SCRN1: variants seen among roughly 807,000 people sequenced by gnomAD.
SCRN1 encodes secernin 1, also known as secernin-1.
SCRN1 carries 19 observed loss-of-function variants against 43.3 expected under a neutral mutation model. That is an observed-to-expected ratio of 0.44 (90% CI 0.31 to 0.64). SCRN1 has a LOEUF of 0.64. SCRN1 is among the 30% of genes least tolerant of loss of function. SCRN1 has a pLI of 0.09. For synonymous variants in SCRN1, 183 were observed against 188.9 expected, an observed-to-expected ratio of 0.97 and a Z score of 0.26; for missense variants, 447 against 524.1, an observed-to-expected ratio of 0.85 and a Z score of 1.44.
rs1015230096 is a variant in SCRN1, at chr7:29,923,911, G to C, written c.*46C>G. ...AGTGGTTTGTTTTGCTGGTAATTTA[G>C]TAAGGTGGGAAGTCTTAAATAAGAA... On this transcript the variant is annotated 3_prime_UTR_variant, in exon 8 of 8. Transcript: ENST00000242059. 2 of 1,542,254 alleles carry C rather than the reference G, an allele frequency of 1.3e-6. No individual in the cohort carries two copies. Among genetic ancestry groups the C allele is most frequent in the Non-Finnish European group, 1.7e-6 (2 of 1,143,006 alleles).
At chr7:29,927,042 AGGGCCTTTT>A (rs901632298) in intron 6 of SCRN1, among the ~76,000 whole-genome samples, 1 of 151,516 alleles carries the variant, frequency 6.6e-6, no homozygotes, top group Non-Finnish European at 1.5e-5. Flanking sequence ...TGGGAAAGGA[AGGGCCTTTT>A]GGTTTGGGTT....
intron 1 of SCRN1, among the ~76,000 whole-genome samples, chr7:29,978,264 AAGATCCAG>A (rs1365047964): frequency 6.6e-6 from 1 of 152,166 alleles, no homozygotes; most frequent in Admixed American, 6.5e-5. Flanking sequence ...CTAATATTTT[AAGATCCAG>A]AGATTTCCTA....
chr7:29,985,533 C>A (rs1380067386), intron 1 of SCRN1, among the ~76,000 whole-genome samples: 1 of 152,078 alleles, frequency 6.6e-6, no homozygotes, highest in African/African-American at 2.4e-5. Flanking sequence ...CAGCCCAGGG[C>A]CCTCTCACTG....
At chr7:29,955,966 G>A (rs1788123071) in intron 2 of SCRN1, among the ~76,000 whole-genome samples, 1 of 152,184 alleles carries the variant, frequency 6.6e-6, no homozygotes, top group South Asian at 2.1e-4. Flanking sequence ...ACAGTGAGGT[G>A]GACACAGAAG....
At chr7:29,925,989 C>A (rs35247132) in intron 7 of SCRN1, among the ~76,000 whole-genome samples, 32,209 of 151,954 alleles carry the variant, frequency 0.21, 4,284 homozygotes, top group South Asian at 0.33. Flanking sequence ...GTGCATTAAG[C>A]TCATTCACAA....
At chr7:29,974,080 G>A (rs1226404242) in intron 1 of SCRN1, among the ~76,000 whole-genome samples, 1 of 152,146 alleles carries the variant, frequency 6.6e-6, no homozygotes, top group Non-Finnish European at 1.5e-5. Flanking sequence ...TATTAACAGT[G>A]GGAGCCCAGC....
intron 6 of SCRN1, among the ~76,000 whole-genome samples, chr7:29,931,644 C>T (rs139249112): frequency 3.3e-4 from 50 of 152,296 alleles, no homozygotes; most frequent in African/African-American, 1.2e-3. Context: ...GGCTAGCCAA[C>T]AGTGTTGTCC....
At chr7:29,983,574 T>C (rs922903631) in intron 1 of SCRN1, among the ~76,000 whole-genome samples, 1 of 152,130 alleles carries the variant, frequency 6.6e-6, no homozygotes. Context: ...AATTAATCTG[T>C]GGAGTCAATA....
Position 29,989,683 on chromosome 7 carries a change from G to A in SCRN1, c.-43C>T. The A allele has an allele frequency of 1.0e-6, 1 of 985,706 alleles. No homozygotes were observed. 61.1% of individuals were successfully genotyped at this position (985,706 alleles called of 1,614,324 possible). A position where few individuals can be genotyped will look rare whatever the true frequency, so the allele number is the denominator to read the frequency against. ...CGGGCTCCGCTCTCCGCTCTGCGGTGCTGAGGCTGCGGCCGCCGAGGGTGC... is the reference window on the plus strand; with the variant it reads ...CGGGCTCCGCTCTCCGCTCTGCGGTACTGAGGCTGCGGCCGCCGAGGGTGC... On this transcript the variant is annotated 5_prime_UTR_variant, in exon 1 of 8. Coordinates refer to ENST00000242059, the MANE Select transcript of SCRN1 (RefSeq NM_014766.5).
At position 29,923,951 on chromosome 7, in the gene SCRN1, CT is replaced by C; in HGVS notation, c.*5del. Reference sequence around the variant, plus strand: ...TTAAATAAGAAGGGGAAAGGGAACGCTTACTTCACTTAAAGAACTTAATCTC... The same window carrying C: ...TTAAATAAGAAGGGGAAAGGGAACGCTACTTCACTTAAAGAACTTAATCTC... On this transcript the variant is annotated 3_prime_UTR_variant, in exon 8 of 8. Transcript: ENST00000242059. The C allele has an allele frequency of 6.2e-7, 1 of 1,607,192 alleles. No homozygotes were observed. Among genetic ancestry groups the C allele is most frequent in the Non-Finnish European group, 8.5e-7 (1 of 1,177,088 alleles).
chr7:29,936,462 G>T, intron 6 of SCRN1, 94 bp downstream of exon 6: 7 of 1,147,814 alleles, frequency 6.1e-6, no homozygotes, highest in Non-Finnish European at 7.1e-6. Context: ...CTATCCAAGG[G>T]GAGGACATGG....
At position 29,923,091 on chromosome 7, in the gene SCRN1, T is replaced by C. The variant is rs1583641985; in HGVS notation, c.*866A>G. 6.6e-6 allele frequency: 1 copy of C among 152,248 alleles called. No individual in the cohort carries two copies. The highest frequency in any genetic ancestry group is 2.4e-5 in the African/African-American group (1 of 41,454). The allele number at this position is 152,248 out of a possible 1,614,324, so 9.4% of individuals were successfully genotyped here. Reference sequence around the variant, plus strand: ...TGCCATAGGGCCATTCAATTACTCCTAGACTAGCTGTTGGTAACTAGACTG... The same window carrying C: ...TGCCATAGGGCCATTCAATTACTCCCAGACTAGCTGTTGGTAACTAGACTG... On this transcript the variant is annotated 3_prime_UTR_variant, in exon 8 of 8. Coordinates refer to ENST00000242059, the MANE Select transcript of SCRN1 (RefSeq NM_014766.5).
In SCRN1 at chr7:29,923,299, C is replaced by G. The variant is rs768215052; in HGVS notation, c.*658G>C. On this transcript the variant is annotated 3_prime_UTR_variant, in exon 8 of 8. Transcript: ENST00000242059. ...CTGTAAGTGGAAGCAGCTCTGCAGT[C>G]CACCACACATAAGCACAGCGCATGG... The G allele has an allele frequency of 6.6e-6, 1 of 152,218 alleles. No individual in the cohort carries two copies. Among genetic ancestry groups the G allele is most frequent in the Non-Finnish European group, 1.5e-5 (1 of 68,066 alleles). The allele number at this position is 152,218 out of a possible 1,614,324, so 9.4% of individuals were successfully genotyped here.
At chr7:29,974,668 C>T (rs931023921) in intron 1 of SCRN1, among the ~76,000 whole-genome samples, 6 of 150,468 alleles carry the variant, frequency 4.0e-5, no homozygotes, top group Admixed American at 1.3e-4. Context: ...TTTGTTTACA[C>T]GATTCTTTCT....
chr7:29,983,000 A>T (rs1789038239), intron 1 of SCRN1, among the ~76,000 whole-genome samples: 1 of 151,818 alleles, frequency 6.6e-6, no homozygotes, highest in African/African-American at 2.4e-5. Flanking sequence ...CTCCATGCCC[A>T]GCTAATTTTT....
chr7:29,979,311 C>T (rs1260703402), intron 1 of SCRN1, among the ~76,000 whole-genome samples: 6 of 151,816 alleles, frequency 4.0e-5, no homozygotes, highest in African/African-American at 9.7e-5. Context: ...TGCAGTGAGC[C>T]GAGATCACGC....
intron 2 of SCRN1, among the ~76,000 whole-genome samples, chr7:29,966,365 A>G (rs1788498970): frequency 1.3e-5 from 2 of 152,312 alleles, no homozygotes; most frequent in South Asian, 2.1e-4. Context: ...TCACACTGGA[A>G]GAAGGGCACT....
chr7:29,985,469 C>T (rs1250007630), intron 1 of SCRN1, among the ~76,000 whole-genome samples: 1 of 151,750 alleles, frequency 6.6e-6, no homozygotes, highest in Non-Finnish European at 1.5e-5. Context: ...GTGCTCAAGG[C>T]CAAACTCCTA....
intron 6 of SCRN1, among the ~76,000 whole-genome samples, chr7:29,930,674 C>T (rs1219056588): frequency 2.0e-5 from 3 of 152,208 alleles, no homozygotes; most frequent in Non-Finnish European, 4.4e-5. Context: ...CTGATTCTGC[C>T]TCTGTCCTCA....
Sources: allele counts gnomAD v4.1 joint callset (sites outside exome capture counted in the v4.1 genomes callset), GRCh38; gene constraint gnomAD v4.1.1; transcripts MANE v1.5; gene names NCBI Gene and HGNC (gene_info 2026-07-23, HGNC 2026-07-21).